The following TESC variants were observed in gnomAD, a reference collection of about 807,000 sequenced individuals.
TESC encodes calcineurin B homologous protein 3.
In TESC, 19 loss-of-function variants were observed where a neutral mutation model predicts 31.0. The ratio of observed to expected loss-of-function variants is 0.61; its 90% CI spans 0.43 to 0.90. The LOEUF (loss-of-function observed/expected upper bound fraction) is 0.90. Ranked by LOEUF, TESC falls within the 40% of genes least tolerant of loss-of-function variation. TESC has a pLI of 0.00. For synonymous variants in TESC, 109 were observed against 114.8 expected, an observed-to-expected ratio of 0.95 and a Z score of 0.32; for missense variants, 248 against 303.8, an observed-to-expected ratio of 0.82 and a Z score of 1.36.
At position 117,046,847 on chromosome 12, in the gene TESC, G is replaced by T. The variant is rs113474183; in HGVS notation, c.350-9C>A. 7.4e-4 allele frequency: 1,156 copies of T among 1,563,866 alleles called. 5 individuals are homozygous for T. The African/African-American group carries it at 0.013, about 17-fold the overall frequency. On this transcript the variant is annotated splice_polypyrimidine_tract_variant and intron_variant, in intron 4 of 7. Coordinates refer to ENST00000335209, the MANE Select transcript of TESC (RefSeq NM_017899.4). ...GTACATGTGGAACAGAACTAGGGTGGCAGGGGAGAGAGGGGACTCCGTCAG... is the reference window on the plus strand; with the variant it reads ...GTACATGTGGAACAGAACTAGGGTGTCAGGGGAGAGAGGGGACTCCGTCAG...
chr12:117,055,845 G>A (rs1290275952), intron 3 of TESC, among the ~76,000 whole-genome samples: 2 of 151,842 alleles, frequency 1.3e-5, no homozygotes, highest in Non-Finnish European at 2.9e-5. Flanking sequence ...CAGCTAATTT[G>A]CACCCAGGTT....
At chr12:117,043,761 T>C (rs1954518475) in intron 6 of TESC, among the ~76,000 whole-genome samples, 1 of 152,040 alleles carries the variant, frequency 6.6e-6, no homozygotes, top group Non-Finnish European at 1.5e-5. Flanking sequence ...CAAATGCTAT[T>C]GTTAGCATTT....
chr12:117,077,886 C>A (rs12304249), intron 1 of TESC, among the ~76,000 whole-genome samples: 4,816 of 152,078 alleles, frequency 0.032, 280 homozygotes, highest in African/African-American at 0.11. Flanking sequence ...TTCTCGGAAA[C>A]CTCAAAGAGC....
chr12:117,075,863 A>ATTTTTTTTTTT (rs1565971343), intron 1 of TESC, among the ~76,000 whole-genome samples: 1 of 49,380 alleles, frequency 2.0e-5, no homozygotes, highest in African/African-American at 9.6e-5. Flanking sequence ...ATATATATAT[A>ATTTTTTTTTTT]TATATATGTG....
chr12:117,053,376 GGAAAA>G (rs1157191679), intron 3 of TESC, among the ~76,000 whole-genome samples: 2 of 152,196 alleles, frequency 1.3e-5, no homozygotes, highest in African/African-American at 4.8e-5. Context: ...GGCTGTTCAT[GGAAAA>G]CAGCCTGGCA....
chr12:117,075,484 T>TG (rs1955038598), intron 1 of TESC, 144 bp from the exon 2 acceptor site: 2 of 811,296 alleles, frequency 2.5e-6, no homozygotes, highest in Non-Finnish European at 3.8e-6. Flanking sequence ...CAAAAGCGAG[T>TG]GCCGGGTGAA....
At chr12:117,059,261 C>A (rs3782193) in intron 2 of TESC, among the ~76,000 whole-genome samples, 30,887 of 152,092 alleles carry the variant, frequency 0.2, 4,127 homozygotes, top group African/African-American at 0.39. Flanking sequence ...CTGCCTTACG[C>A]ATTGGAGGGG....
chr12:117,071,441 C>CT (rs11392546), intron 2 of TESC, among the ~76,000 whole-genome samples: 23,163 of 152,216 alleles, frequency 0.15, 1,937 homozygotes, highest in South Asian at 0.22. Flanking sequence ...GGCTGTGGGC[C>CT]TTCACGGGGC....
At chr12:117,069,067 T>C (rs1167060242) in intron 2 of TESC, among the ~76,000 whole-genome samples, 2 of 152,156 alleles carry the variant, frequency 1.3e-5, no homozygotes. Flanking sequence ...GGTAGGTGGC[T>C]AATGAACGTG....
At chr12:117,072,558 A>G (rs941318162) in intron 2 of TESC, among the ~76,000 whole-genome samples, 2 of 152,240 alleles carry the variant, frequency 1.3e-5, no homozygotes, top group African/African-American at 4.8e-5. Context: ...ATCTCTATGC[A>G]TGTAGAATAT....
intron 3 of TESC, among the ~76,000 whole-genome samples, chr12:117,050,826 G>A (rs546509399): frequency 2.0e-5 from 3 of 152,348 alleles, no homozygotes; most frequent in South Asian, 2.1e-4. Context: ...TTAGGGGGCT[G>A]AGGTGGGAGG....
At chr12:117,066,607 C>T (rs998322735) in intron 2 of TESC, among the ~76,000 whole-genome samples, 2 of 152,016 alleles carry the variant, frequency 1.3e-5, no homozygotes, top group Non-Finnish European at 1.5e-5. Context: ...CCTCGTGATC[C>T]GCCCGCCTCA....
chr12:117,075,913 A>ATATATATATGTGTGTG (rs1265957613), intron 1 of TESC, among the ~76,000 whole-genome samples: 3 of 51,960 alleles, frequency 5.8e-5, no homozygotes, highest in African/African-American at 2.1e-4. Flanking sequence ...ATATATATAT[A>ATATATATATGTGTGTG]TGTGTGTGTG....
At chr12:117,078,244 G>C (rs1038008721) in intron 1 of TESC, among the ~76,000 whole-genome samples, 4 of 152,168 alleles carry the variant, frequency 2.6e-5, no homozygotes, top group African/African-American at 9.7e-5. Flanking sequence ...GAGGTGGGCA[G>C]AGATCACTTG....
Position 117,056,883 on chromosome 12 carries a change from C to T in TESC, c.132G>A (p.Lys44=). The part of the protein sequence containing the change: ...QLSGDQPTIR[K]ENFNNVPDLE... ...GGTCCGGGACATTGTTGAAGTTCTC[C>T]TTGCTGGTTTCCAAGAAGGAGAGAT... is the stretch of plus-strand genomic sequence containing the variant. The change falls in exon 3 of 8, where the codon AAG becomes AAA. Residue 44 remains lysine (K), a synonymous_variant. Coordinates refer to ENST00000335209, the MANE Select transcript of TESC (RefSeq NM_017899.4). The T allele has an allele frequency of 6.2e-7, 1 of 1,614,078 alleles. No individual in the cohort carries two copies. Among genetic ancestry groups the T allele is most frequent in the Admixed American group, 1.7e-5 (1 of 60,008 alleles).
At chr12:117,042,021 G>C in intron 6 of TESC, 27 bp from the exon 7 acceptor site, 1 of 1,584,466 alleles carries the variant, frequency 6.3e-7, no homozygotes, top group South Asian at 1.2e-5. Flanking sequence ...AGGGTGGACA[G>C]TGAGTGGCGC....
At chr12:117,090,722 T>C (rs1271412945) in intron 1 of TESC, among the ~76,000 whole-genome samples, 1 of 151,890 alleles carries the variant, frequency 6.6e-6, no homozygotes, top group African/African-American at 2.4e-5. Context: ...CTGGCTGAGG[T>C]CCTTGGGGGG....
At chr12:117,043,543 T>C (rs1954515492) in intron 6 of TESC, among the ~76,000 whole-genome samples, 1 of 152,234 alleles carries the variant, frequency 6.6e-6, no homozygotes, top group Non-Finnish European at 1.5e-5. Flanking sequence ...CACTGTGACC[T>C]CTGCCTCCCA....
chr12:117,058,445 A>G (rs1954759739), intron 2 of TESC, among the ~76,000 whole-genome samples: 1 of 151,570 alleles, frequency 6.6e-6, no homozygotes, highest in South Asian at 2.1e-4. Context: ...GGAGTGATGA[A>G]TATGTTCTAA....
Sources: allele counts gnomAD v4.1 joint callset (sites outside exome capture counted in the v4.1 genomes callset), GRCh38; gene constraint gnomAD v4.1.1; transcripts MANE v1.5; gene names NCBI Gene and HGNC (gene_info 2026-07-23, HGNC 2026-07-21).